Variants in MAF observed in about 807,000 individuals in gnomAD.
MAF encodes the protein transcription factor Maf.
In MAF, 10 loss-of-function variants were observed where a neutral mutation model predicts 22.0. The observed-to-expected ratio is 0.45, with a 90% CI of 0.28 to 0.77. The LOEUF (loss-of-function observed/expected upper bound fraction) is 0.77, where lower values mean the gene tolerates loss of function less well. MAF is among the 30% of genes least tolerant of loss of function. MAF has a pLI of 0.12. For synonymous variants in MAF, 337 were observed against 255.8 expected (o/e 1.32, Z -3.03); for missense variants, 544 against 548.4 (o/e 0.99, Z 0.08).
chr16:79,360,522 A>T, the MAF span, among the ~76,000 whole-genome samples: 1 of 152,168 alleles, frequency 6.6e-6, no homozygotes, highest in South Asian at 2.1e-4. Flanking sequence ...ACCTGTTAGG[A>T]TTGTTGGGAG....
the MAF span, among the ~76,000 whole-genome samples, chr16:79,402,551 G>T: frequency 3.5e-4 from 54 of 152,330 alleles, no homozygotes; most frequent in Middle Eastern, 3.4e-3. Flanking sequence ...CGCTGGGTGG[G>T]GCCTGGCCTA....
the MAF span, among the ~76,000 whole-genome samples, chr16:79,223,063 T>C: frequency 6.6e-6 from 1 of 152,324 alleles, no homozygotes; most frequent in East Asian, 1.9e-4. Context: ...CAACAAAATA[T>C]ACATTCTTCT....
At chr16:79,243,484 T>G in the MAF span, among the ~76,000 whole-genome samples, 382 of 152,194 alleles carry the variant, frequency 2.5e-3, 2 homozygotes, top group African/African-American at 8.1e-3. Flanking sequence ...GATAGATTCC[T>G]GGACACATAC....
the MAF span, among the ~76,000 whole-genome samples, chr16:79,410,545 G>A: frequency 2.6e-5 from 4 of 152,178 alleles, no homozygotes; most frequent in Non-Finnish European, 5.9e-5. Flanking sequence ...GGGTACATAT[G>A]TGGAAGGAAA....
chr16:79,543,079 G>A, the MAF span, among the ~76,000 whole-genome samples: 2 of 152,232 alleles, frequency 1.3e-5, no homozygotes, highest in African/African-American at 4.8e-5. Context: ...TTTAAAAGCA[G>A]AACCACATCA....
chr16:79,339,817 G>T, the MAF span, among the ~76,000 whole-genome samples: 1 of 152,270 alleles, frequency 6.6e-6, no homozygotes, highest in South Asian at 2.1e-4. Context: ...CTTTTAATCA[G>T]CCAGCCCCTT....
At chr16:79,383,388 A>C in the MAF span, among the ~76,000 whole-genome samples, 2,021 of 152,322 alleles carry the variant, frequency 0.013, 36 homozygotes, top group African/African-American at 0.045. Context: ...GAAGAAAACC[A>C]GATTTTTAAA....
the MAF span, among the ~76,000 whole-genome samples, chr16:79,220,603 C>A: frequency 6.6e-6 from 1 of 152,118 alleles, no homozygotes; most frequent in Admixed American, 6.5e-5. Flanking sequence ...CTACCCTTTA[C>A]CACCACCATG....
At chr16:79,584,525 G>C (rs922622344), downstream of MAF, among the ~76,000 whole-genome samples, 2 of 152,160 alleles carry the variant, frequency 1.3e-5, no homozygotes, top group Non-Finnish European at 2.9e-5. Flanking sequence ...TTACCAGGGG[G>C]TAAGGACCAG....
At chr16:79,267,992 A>G in the MAF span, among the ~76,000 whole-genome samples, 2 of 152,122 alleles carry the variant, frequency 1.3e-5, no homozygotes, top group East Asian at 1.9e-4. Context: ...ATCACACCTC[A>G]GTTACTGGCA....
chr16:79,337,652 T>C, the MAF span, among the ~76,000 whole-genome samples: 1 of 152,186 alleles, frequency 6.6e-6, no homozygotes, highest in Non-Finnish European at 1.5e-5. Context: ...TCTTTAAACA[T>C]GTCAAACATG....
the MAF span, among the ~76,000 whole-genome samples, chr16:79,442,534 G>C: frequency 6.6e-6 from 1 of 151,904 alleles, no homozygotes; most frequent in Non-Finnish European, 1.5e-5. Flanking sequence ...ACTTCACCTG[G>C]CTGAATATTC....
the MAF span, among the ~76,000 whole-genome samples, chr16:79,459,215 G>A: frequency 6.6e-6 from 1 of 152,108 alleles, no homozygotes; most frequent in Non-Finnish European, 1.5e-5. Flanking sequence ...TCTTAACCAC[G>A]ATGACATACA....
chr16:79,548,659 C>G, the MAF span, among the ~76,000 whole-genome samples: 1 of 152,168 alleles, frequency 6.6e-6, no homozygotes, highest in African/African-American at 2.4e-5. Flanking sequence ...CCATGGAGCT[C>G]TGTTCCTTCT....
At chr16:79,483,492 A>G in the MAF span, among the ~76,000 whole-genome samples, 3 of 151,388 alleles carry the variant, frequency 2.0e-5, no homozygotes, top group African/African-American at 4.9e-5. Context: ...GAGGGGAAGC[A>G]ATGTTAAATT....
exon 2 of MAF, chr16:79,585,911 C>T (rs1256852828): frequency 4.4e-6 from 3 of 684,360 alleles, no homozygotes; most frequent in Non-Finnish European, 7.9e-6. Flanking sequence ...GATTTTTTCA[C>T]ATCACTGATG....
chr16:79,476,427 A>AT, the MAF span, among the ~76,000 whole-genome samples: 2 of 152,336 alleles, frequency 1.3e-5, no homozygotes, highest in East Asian at 3.9e-4. Context: ...ATATGTTTAA[A>AT]TTTTTCTGCA....
chr16:79,418,316 G>T, the MAF span, among the ~76,000 whole-genome samples: 1 of 152,002 alleles, frequency 6.6e-6, no homozygotes, highest in Admixed American at 6.6e-5. Context: ...GGGGCCTCAC[G>T]GTCAGCTGGG....
the MAF span, among the ~76,000 whole-genome samples, chr16:79,368,122 G>A: frequency 6.6e-6 from 1 of 152,202 alleles, no homozygotes; most frequent in South Asian, 2.1e-4. Context: ...AGGAAGAGAG[G>A]ATCTTTGGCT....
Sources: gnomAD v4.1 joint callset for allele counts (sites outside exome capture counted in the v4.1 genomes callset) on GRCh38, gnomAD v4.1.1 for gene constraint, MANE v1.5 for transcripts, NCBI Gene and HGNC (gene_info 2026-07-23, HGNC 2026-07-21) for gene names.